TIAM2: variants seen among roughly 807,000 people sequenced by gnomAD.
TIAM2 encodes rho guanine nucleotide exchange factor TIAM2.
Under a neutral mutation model 152.9 loss-of-function variants are expected in TIAM2, and 80 were observed. The observed-to-expected ratio is 0.52, with a 90% CI of 0.44 to 0.63. The LOEUF is 0.63. Among genes scored for constraint, TIAM2 ranks in the 30% least tolerant of loss-of-function variants. TIAM2 has a pLI of 0.00. For synonymous variants in TIAM2, 804 were observed against 838.0 expected, an observed-to-expected ratio of 0.96 and a Z score of 0.70; for missense variants, 1,965 against 2,120.1, an observed-to-expected ratio of 0.93 and a Z score of 1.44.
At chr6:155,104,375 C>A (rs1778630255) in intron 2 of TIAM2, among the ~76,000 whole-genome samples, 1 of 152,102 alleles carries the variant, frequency 6.6e-6, no homozygotes, top group Admixed American at 6.6e-5. Flanking sequence ...CCTGACCCCG[C>A]CCTGACTTAA....
chr6:154,996,714 C>T (rs1778218187), intron 1 of TIAM2, among the ~76,000 whole-genome samples: 1 of 152,156 alleles, frequency 6.6e-6, no homozygotes, highest in African/African-American at 2.4e-5. Context: ...ACCAGTAGAA[C>T]TTGTGTGTAT....
intron 1 of TIAM2, among the ~76,000 whole-genome samples, chr6:155,086,429 G>A (rs1364453203): frequency 1.3e-5 from 2 of 152,084 alleles, no homozygotes; most frequent in Admixed American, 6.6e-5. Flanking sequence ...GTAGTTGGCC[G>A]GGCACGGCGA....
At chr6:155,239,905 T>TA (rs1230550399) in intron 15 of TIAM2, among the ~76,000 whole-genome samples, 1 of 148,882 alleles carries the variant, frequency 6.7e-6, no homozygotes, top group Non-Finnish European at 1.5e-5. Flanking sequence ...GTGAGGGTGT[T>TA]ACCATCTTCA....
At chr6:155,242,489 T>C (rs1192719242) in intron 16 of TIAM2, among the ~76,000 whole-genome samples, 4 of 151,752 alleles carry the variant, frequency 2.6e-5, no homozygotes, top group Admixed American at 2.6e-4. Context: ...GCCAGGGAGG[T>C]TTTTATGGTG....
chr6:155,047,714 AGAGAGAGAGAGC>A lies in TIAM2; in HGVS notation c.-208-42563_-208-42552del, dbSNP rs1258532267. Among the ~76,000 whole-genome samples, 857 of 138,932 alleles carry A rather than the reference AGAGAGAGAGAGC, an allele frequency of 6.2e-3. 7 individuals carry two copies. The highest frequency in any genetic ancestry group is 0.016 in the South Asian group (66 of 4,052). 91.1% of individuals were successfully genotyped at this position (138,932 alleles called of 152,430 possible). Reference sequence around the variant, plus strand: ...GAGAGAGAGAGAGAGAGCGAGAGAGAGAGAGAGAGAGCGAGAGAGAGAGAGAGAGAGCGAGCG... The same window carrying A: ...GAGAGAGAGAGAGAGAGCGAGAGAGAGAGAGAGAGAGAGAGAGAGCGAGCG... On this transcript the variant is annotated intron_variant, in intron 1 of 26. Coordinates refer to ENST00000682666, the MANE Select transcript of TIAM2 (RefSeq NM_012454.4).
intron 14 of TIAM2, among the ~76,000 whole-genome samples, chr6:155,199,066 TTTA>T (rs1023108587): frequency 3.9e-5 from 4 of 103,782 alleles, no homozygotes; most frequent in African/African-American, 1.1e-4. Context: ...CAGTAACTTC[TTTA>T]TTTTTTTTTT....
chr6:155,238,533 G>A (rs556727183), intron 15 of TIAM2, among the ~76,000 whole-genome samples: 1 of 152,254 alleles, frequency 6.6e-6, no homozygotes, highest in African/African-American at 2.4e-5. Context: ...CATCTGTTAG[G>A]GTCTCACCCT....
At chr6:155,212,871 G>C (rs867829311) in intron 15 of TIAM2, among the ~76,000 whole-genome samples, 1 of 152,176 alleles carries the variant, frequency 6.6e-6, no homozygotes, top group African/African-American at 2.4e-5. Context: ...GGCTGTGGTG[G>C]GGCAGGCAGC....
chr6:155,125,532 C>T (rs889312700), intron 2 of TIAM2, among the ~76,000 whole-genome samples: 3 of 152,024 alleles, frequency 2.0e-5, no homozygotes, highest in East Asian at 1.9e-4. Flanking sequence ...AACAGTATGG[C>T]GGTTCTGTAA....
At chr6:155,032,064 TTATACGA>T (rs1776832901) in intron 1 of TIAM2, among the ~76,000 whole-genome samples, 1 of 152,102 alleles carries the variant, frequency 6.6e-6, no homozygotes, top group Non-Finnish European at 1.5e-5. Context: ...AGCGTGTACT[TTATACGA>T]TGGAAGATCT....
chr6:155,115,343 T>C (rs915773062), intron 2 of TIAM2, among the ~76,000 whole-genome samples: 5 of 152,050 alleles, frequency 3.3e-5, no homozygotes, highest in Admixed American at 2.6e-4. Flanking sequence ...AATACAGGCA[T>C]GAGCCACTGC....
In TIAM2 at chr6:155,248,131, C is replaced by A; in HGVS notation, c.3784C>A (p.Leu1262Met). Residue 1262 changes from leucine (L) to methionine (M), a missense_variant, in exon 20 of 27, where the codon CTG (leucine) becomes ATG (methionine). Transcript: ENST00000682666. ...CAAGTACCCGCTGCTGCTCAAGGAGCTGGTGTCCCTGACGGACCAGGAGAG... is the reference window on the plus strand; with the variant it reads ...CAAGTACCCGCTGCTGCTCAAGGAGATGGTGTCCCTGACGGACCAGGAGAG... ...VLKYPLLLKE[L>M]VSLTDQESEE... is the part of the protein sequence containing the mutation. 6.2e-7 allele frequency: 1 copy of A among 1,614,162 alleles called. No individual in the cohort carries two copies. Among genetic ancestry groups the A allele is most frequent in the Non-Finnish European group, 8.5e-7 (1 of 1,180,042 alleles).
chr6:155,152,086 G>A (rs1470035659), intron 7 of TIAM2, among the ~76,000 whole-genome samples: 1 of 151,964 alleles, frequency 6.6e-6, no homozygotes, highest in Non-Finnish European at 1.5e-5. Flanking sequence ...TAGGTGATCC[G>A]CTTGCCTCAG....
intron 25 of TIAM2, 152 bp downstream of exon 25, chr6:155,254,212 G>C (rs1015487076): frequency 1.0e-6 from 1 of 980,838 alleles, no homozygotes; most frequent in African/African-American, 1.6e-5. Context: ...GCTAGTAGGA[G>C]ACTATGTTGA....
At chr6:154,999,959 G>C (rs1236447002) in intron 1 of TIAM2, among the ~76,000 whole-genome samples, 1 of 152,098 alleles carries the variant, frequency 6.6e-6, no homozygotes, top group East Asian at 1.9e-4. Context: ...TTACAGGTGT[G>C]AGCCACCGCG....
At chr6:155,110,144 G>A (rs897507476) in intron 2 of TIAM2, among the ~76,000 whole-genome samples, 3 of 151,550 alleles carry the variant, frequency 2.0e-5, no homozygotes, top group African/African-American at 2.4e-5. Context: ...GTAGAGACGG[G>A]GTTTCACCAT....
intron 5 of TIAM2, among the ~76,000 whole-genome samples, chr6:155,141,237 G>A (rs1215816553): frequency 1.3e-5 from 2 of 152,158 alleles, no homozygotes; most frequent in Non-Finnish European, 2.9e-5. Context: ...TGATAAAGAT[G>A]TTTTTTTCCC....
chr6:155,071,279 G>A (rs1357779604), intron 1 of TIAM2, among the ~76,000 whole-genome samples: 3 of 152,172 alleles, frequency 2.0e-5, no homozygotes, highest in Non-Finnish European at 4.4e-5. Context: ...ACGTCTCCAC[G>A]GATCTTCATC....
intron 25 of TIAM2, 110 bp downstream of exon 25, chr6:155,254,170 C>A: frequency 8.3e-7 from 1 of 1,206,866 alleles, no homozygotes; most frequent in Non-Finnish European, 1.2e-6. Context: ...CAGGGTCATA[C>A]TCCCCACCCT....
Sources: allele counts gnomAD v4.1 joint callset (sites outside exome capture counted in the v4.1 genomes callset), GRCh38; gene constraint gnomAD v4.1.1; transcripts MANE v1.5; gene names NCBI Gene and HGNC (gene_info 2026-07-23, HGNC 2026-07-21).